Variants in SEMA3E observed in about 807,000 individuals in gnomAD.
SEMA3E encodes semaphorin 3E.
A neutral mutation model predicts 93.6 loss-of-function variants in SEMA3E; 49 were observed. That is an observed-to-expected ratio of 0.52 (90% CI 0.42 to 0.66). SEMA3E has a LOEUF of 0.66. SEMA3E is among the 30% of genes least tolerant of loss of function. The pLI, the probability that SEMA3E is intolerant of heterozygous loss-of-function variation, is 0.00. For synonymous variants in SEMA3E, 363 were observed against 330.7 expected (o/e 1.10, Z -1.06); for missense variants, 906 against 964.8 (o/e 0.94, Z 0.81).
chr7:83,484,564 T>C (rs1045671956), intron 2 of SEMA3E, among the ~76,000 whole-genome samples: 2 of 152,122 alleles, frequency 1.3e-5, no homozygotes, highest in Admixed American at 1.3e-4. Context: ...AACTGGTCAT[T>C]GAGCCTTGAA....
intron 16 of SEMA3E, among the ~76,000 whole-genome samples, chr7:83,377,694 C>T (rs191935238): frequency 1.3e-5 from 2 of 152,084 alleles, no homozygotes; most frequent in African/African-American, 4.8e-5. Context: ...GAATTAGGTA[C>T]TAATCTTCTG....
chr7:83,640,468 G>T (rs1400565010), intron 1 of SEMA3E, among the ~76,000 whole-genome samples: 1 of 152,080 alleles, frequency 6.6e-6, no homozygotes, highest in African/African-American at 2.4e-5. Flanking sequence ...ATCCCATGTT[G>T]CCTGAGAGCA....
At chr7:83,460,719 A>G (rs1287035755) in intron 4 of SEMA3E, among the ~76,000 whole-genome samples, 1 of 145,240 alleles carries the variant, frequency 6.9e-6, no homozygotes, top group Admixed American at 6.9e-5. Flanking sequence ...CTGCGCCCCG[A>G]CCTCTTGTAT....
At chr7:83,398,140 T>A (rs1421338833) in intron 11 of SEMA3E, among the ~76,000 whole-genome samples, 1 of 151,960 alleles carries the variant, frequency 6.6e-6, no homozygotes, top group African/African-American at 2.4e-5. Flanking sequence ...TGGTTCAATA[T>A]GATGACACCT....
intron 2 of SEMA3E, among the ~76,000 whole-genome samples, chr7:83,472,860 T>C (rs1789931017): frequency 6.6e-6 from 1 of 152,256 alleles, no homozygotes; most frequent in African/African-American, 2.4e-5. Flanking sequence ...GTGAGTGAGT[T>C]CTCACAAGAT....
chr7:83,370,730 T>A (rs1794738600), intron 16 of SEMA3E, among the ~76,000 whole-genome samples: 1 of 152,162 alleles, frequency 6.6e-6, no homozygotes, highest in South Asian at 2.1e-4. Context: ...CCTCCTTTAT[T>A]ACCTTCGTTT....
intron 4 of SEMA3E, among the ~76,000 whole-genome samples, chr7:83,431,943 T>G (rs1196910649): frequency 7.0e-6 from 1 of 143,830 alleles, no homozygotes; most frequent in Non-Finnish European, 1.5e-5. Context: ...CCCAATTAAT[T>G]GGTGACTTTT....
At chr7:83,512,083 A>G (rs915883025) in intron 1 of SEMA3E, among the ~76,000 whole-genome samples, 5 of 152,170 alleles carry the variant, frequency 3.3e-5, no homozygotes, top group African/African-American at 1.2e-4. Flanking sequence ...AAAAATTATC[A>G]TTTCATGAAT....
At chr7:83,418,936 T>A (rs543003356) in intron 4 of SEMA3E, among the ~76,000 whole-genome samples, 2 of 152,124 alleles carry the variant, frequency 1.3e-5, no homozygotes, top group African/African-American at 4.8e-5. Flanking sequence ...CATATGCAGG[T>A]TTGTTATATG....
chr7:83,631,592 T>C (rs1168261468), intron 1 of SEMA3E, among the ~76,000 whole-genome samples: 1 of 152,200 alleles, frequency 6.6e-6, no homozygotes, highest in Non-Finnish European at 1.5e-5. Context: ...AGCAGAACCA[T>C]ATAGTCTTTG....
intron 4 of SEMA3E, among the ~76,000 whole-genome samples, chr7:83,464,685 G>A (rs13438378): frequency 0.43 from 46,549 of 107,992 alleles, 11,297 homozygotes; most frequent in East Asian, 0.82. Flanking sequence ...ATCCAAAACC[G>A]TATCCAGGCC....
At chr7:83,414,012 C>T (rs773755058) in intron 5 of SEMA3E, among the ~76,000 whole-genome samples, 10 of 152,122 alleles carry the variant, frequency 6.6e-5, no homozygotes, top group Admixed American at 5.9e-4. Flanking sequence ...GCAGTCATGG[C>T]CAGAAGCTAC....
rs545899495 is a variant in SEMA3E, at chr7:83,546,938, C to A, written c.116-56664G>T. 1.1e-4 allele frequency among the ~76,000 whole-genome samples: 16 copies of A among 152,096 alleles called. No individual in the cohort carries two copies. In the South Asian group the frequency reaches 3.3e-3, roughly 32 times the overall value. On this transcript the variant is annotated intron_variant, in intron 1 of 16. Transcript: ENST00000643230. ...ACTTGTTTAAACAAAAAGTGCATGA[C>A]AAATTTAAGATGAAATTAAGCAAGC...
At chr7:83,583,341 TATC>T (rs778353447) in intron 1 of SEMA3E, among the ~76,000 whole-genome samples, 1 of 152,180 alleles carries the variant, frequency 6.6e-6, no homozygotes, top group African/African-American at 2.4e-5. Flanking sequence ...TTGAAACACT[TATC>T]ATGTCTTTCC....
At chr7:83,511,014 T>C (rs1790806163) in intron 1 of SEMA3E, among the ~76,000 whole-genome samples, 1 of 152,196 alleles carries the variant, frequency 6.6e-6, no homozygotes, top group Admixed American at 6.5e-5. Flanking sequence ...AGATTTATTA[T>C]AATTAAAAGG....
At chr7:83,450,187 C>T (rs1789327983) in intron 4 of SEMA3E, among the ~76,000 whole-genome samples, 1 of 152,114 alleles carries the variant, frequency 6.6e-6, no homozygotes, top group South Asian at 2.1e-4. Flanking sequence ...AAAATAGGTA[C>T]AATGACTCAA....
At chr7:83,451,074 ACAT>A (rs1562788038) in intron 4 of SEMA3E, among the ~76,000 whole-genome samples, 1 of 152,114 alleles carries the variant, frequency 6.6e-6, no homozygotes, top group Non-Finnish European at 1.5e-5. Flanking sequence ...AGATCTGATG[ACAT>A]CATAAGGGGC....
chr7:83,474,158 C>A (rs1333962289), intron 2 of SEMA3E, among the ~76,000 whole-genome samples: 1 of 150,606 alleles, frequency 6.6e-6, no homozygotes, highest in South Asian at 2.1e-4. Context: ...TAAAGCCATG[C>A]CCCATAAAAT....
chr7:83,506,546 G>T (rs1790709482), intron 1 of SEMA3E, among the ~76,000 whole-genome samples: 1 of 152,040 alleles, frequency 6.6e-6, no homozygotes, highest in Non-Finnish European at 1.5e-5. Flanking sequence ...TCTAGTATTT[G>T]ATAGCACAGC....
Sources: gnomAD v4.1 joint callset for allele counts (sites outside exome capture counted in the v4.1 genomes callset) on GRCh38, gnomAD v4.1.1 for gene constraint, MANE v1.5 for transcripts, NCBI Gene and HGNC (gene_info 2026-07-23, HGNC 2026-07-21) for gene names.